CRYBG2: variants seen among roughly 807,000 people sequenced by gnomAD.
CRYBG2 encodes crystallin beta-gamma domain containing 2.
A neutral mutation model predicts 153.4 loss-of-function variants in CRYBG2; 106 were observed. The observed-to-expected ratio is 0.69, with a 90% CI of 0.59 to 0.81. The LOEUF (loss-of-function observed/expected upper bound fraction) is 0.81. Among genes scored for constraint, CRYBG2 ranks in the 30% least tolerant of loss-of-function variants. The pLI is 0.00. For missense variants in CRYBG2, 1,996 were observed against 2,112.0 expected (o/e 0.95, Z 1.08); for synonymous variants, 851 against 877.8 (o/e 0.97, Z 0.54).
At chr1:26,347,292 T>TTG (rs2074235238) in intron 1 of CRYBG2, among the ~76,000 whole-genome samples, 1 of 134,410 alleles carries the variant, frequency 7.4e-6, no homozygotes, top group South Asian at 2.7e-4. Flanking sequence ...GCGTTTTTTT[T>TTG]TTTTTTTTTT....
intron 1 of CRYBG2, among the ~76,000 whole-genome samples, chr1:26,352,951 C>G (rs1330049383): frequency 6.6e-6 from 1 of 151,984 alleles, no homozygotes; most frequent in Admixed American, 6.6e-5. Flanking sequence ...CTGATTCTGC[C>G]TCTGCTACTA....
chr1:26,347,334 C>T (rs34198919), intron 1 of CRYBG2, among the ~76,000 whole-genome samples: 35,380 of 130,706 alleles, frequency 0.27, 4,737 homozygotes, highest in Non-Finnish European at 0.31. Context: ...CACTCTGTTA[C>T]CCAGGCTGGA....
Position 26,328,256 on chromosome 1 carries a change from T to C in CRYBG2, c.4531A>G (p.Thr1511Ala), listed in dbSNP as rs2073956445. Reference protein sequence around the residue: ...VGSCEITNWLTYSGTQRVGSL... With the variant: ...VGSCEITNWLAYSGTQRVGSL... The stretch of plus-strand genomic sequence containing the variant: ...CCCACCCTCTGGGTGCCGCTGTAGG[T>C]CAGCCAGTTGGTGATCTCGCAGCTT... Residue 1511 changes from threonine to alanine, a missense_variant, in exon 17 of 20, where the codon ACC (threonine) becomes GCC (alanine). Coordinates refer to ENST00000308182, the MANE Select transcript of CRYBG2 (RefSeq NM_001039775.4). 3 of 1,565,972 alleles carry C rather than the reference T, an allele frequency of 1.9e-6. No homozygotes were observed. The highest frequency in any genetic ancestry group is 1.2e-5 in the South Asian group (1 of 85,192).
At position 26,346,029 on chromosome 1, in the gene CRYBG2, C is replaced by T; in HGVS notation, c.629G>A (p.Gly210Asp). ...CGGCACCATGCGGGAGACCTGACGG[C>T]CCCGTGGCAGGGCCTCGCCTGAGGA... is the stretch of plus-strand genomic sequence containing the variant. ...PVSSGEALPR[G>D]RQVSRMVPPV... is the part of the protein sequence containing the mutation. Residue 210 changes from glycine to aspartate, a missense_variant, in exon 2 of 20, where the codon GGC becomes GAC. Physicochemically the swap from Gly to Asp is moderately conservative, Grantham distance 94. Coordinates refer to ENST00000308182, the MANE Select transcript of CRYBG2 (RefSeq NM_001039775.4). This position sits in a 1 kb window ranked among gnomAD's most constrained non-coding sequence, Gnocchi z 4.9. 1 of 1,593,064 alleles carries T rather than the reference C, an allele frequency of 6.3e-7. No homozygotes were observed. The highest frequency in any genetic ancestry group is 8.5e-7 in the Non-Finnish European group (1 of 1,177,058).
intron 1 of CRYBG2, among the ~76,000 whole-genome samples, chr1:26,347,265 C>A (rs1260824646): frequency 1.4e-5 from 2 of 141,234 alleles, no homozygotes; most frequent in African/African-American, 2.6e-5. Flanking sequence ...GTAAGAGAAA[C>A]AATGAAACCT....
rs1336351831 is a variant in CRYBG2, at chr1:26,338,446, C to A, written c.3376G>T (p.Asp1126Tyr). Residue 1126 changes from aspartate (D) to tyrosine (Y), a missense_variant, in exon 7 of 20, where the codon GAC becomes TAC. Physicochemically the swap from Asp to Tyr is radical, Grantham distance 160. Coordinates refer to ENST00000308182, the MANE Select transcript of CRYBG2 (RefSeq NM_001039775.4). ...CCAGGTTCCAGGATGTAGGGAGTGTCTTCGAATAATGGTTTGGGGTACAGT... is the reference window on the plus strand; with the variant it reads ...CCAGGTTCCAGGATGTAGGGAGTGTATTCGAATAATGGTTTGGGGTACAGT... ...WLLYPKPLFEDTPYILEPGEY... is the reference protein window; with the variant it reads ...WLLYPKPLFEYTPYILEPGEY... 1.2e-6 allele frequency: 2 copies of A among 1,612,804 alleles called. No individual in the cohort carries two copies. The highest frequency in any genetic ancestry group is 4.5e-5 in the East Asian group (2 of 44,820).
intron 15 of CRYBG2, among the ~76,000 whole-genome samples, chr1:26,329,642 G>A (rs1209476251): frequency 6.6e-6 from 1 of 151,990 alleles, no homozygotes; most frequent in African/African-American, 2.4e-5. Context: ...ACCATGCCCA[G>A]CTAATTTTTT....
chr1:26,329,062 C>T (rs2073967488), intron 15 of CRYBG2, among the ~76,000 whole-genome samples, 189 bp from the exon 16 acceptor site: 2 of 152,082 alleles, frequency 1.3e-5, no homozygotes, highest in Middle Eastern at 3.4e-3. Context: ...AGGCAGTAAG[C>T]GCTAGGCTGG....
rs1297986035 is a variant in CRYBG2 at position 26,339,285 on chromosome 1, C to T, written c.3344+5G>A. 1 of 1,611,616 alleles carries T rather than the reference C, an allele frequency of 6.2e-7. No homozygotes were observed. Among genetic ancestry groups the T allele is most frequent in the African/African-American group, 1.3e-5 (1 of 74,786 alleles). On this transcript the variant is annotated splice_donor_5th_base_variant and intron_variant, in intron 6 of 19. Coordinates refer to ENST00000308182, the MANE Select transcript of CRYBG2 (RefSeq NM_001039775.4). ...TGAGGGGATTCTAGAATAGACCAGA[C>T]TCACAGTCCTGCAGAGACGGTGGCA...
At chr1:26,328,094 T>C in intron 17 of CRYBG2, 115 bp downstream of exon 17, 2 of 1,408,498 alleles carry the variant, frequency 1.4e-6, no homozygotes, top group Middle Eastern at 2.4e-4. Flanking sequence ...GCAAAAGTTG[T>C]GACAAAAGTA....
chr1:26,350,090 C>T (rs763618941), intron 1 of CRYBG2, among the ~76,000 whole-genome samples: 1 of 152,096 alleles, frequency 6.6e-6, no homozygotes, highest in African/African-American at 2.4e-5. Context: ...GCTGGGATTA[C>T]AGGTGTGAGC....
intron 1 of CRYBG2, among the ~76,000 whole-genome samples, chr1:26,353,027 C>A (rs959751089): frequency 2.6e-5 from 4 of 152,130 alleles, no homozygotes; most frequent in African/African-American, 9.7e-5. Context: ...CAACCTCACT[C>A]AACCCTCCAC....
intron 17 of CRYBG2, chr1:26,324,654 A>G: frequency 5.2e-6 from 1 of 192,694 alleles, no homozygotes; most frequent in Middle Eastern, 2.1e-3. Context: ...GGATACATGC[A>G]GCCATCCAAC....
At position 26,324,242 on chromosome 1, in the gene CRYBG2, C is replaced by G. The variant is rs2073894763; in HGVS notation, c.4647G>C (p.Glu1549Asp). Residue 1549 changes from glutamate to aspartate, a missense_variant, in exon 18 of 20, where the codon GAG (glutamate) becomes GAC (aspartate). Physicochemically the swap from Glu to Asp is conservative, Grantham distance 45. Transcript: ENST00000308182. ...CCACCACACGGCCTGCTTTCATGTC[C>G]TCCACATGGTCCGGCACTGCCAGGA... Reference protein sequence around the residue: ...GGFLAVPDHVEDMKAGRVVVA... With the variant: ...GGFLAVPDHVDDMKAGRVVVA... 6.2e-7 allele frequency: 1 copy of G among 1,612,716 alleles called. No homozygotes were observed. Among genetic ancestry groups the G allele is most frequent in the Admixed American group, 1.7e-5 (1 of 59,964 alleles).
At chr1:26,326,274 ACACCTGTAAACCCAG>A (rs1285626841) in intron 17 of CRYBG2, among the ~76,000 whole-genome samples, 1 of 152,168 alleles carries the variant, frequency 6.6e-6, no homozygotes, top group African/African-American at 2.4e-5. Context: ...ATGGTAGCTC[ACACCTGTAAACCCAG>A]CACTTTGGGA....
At position 26,336,067 on chromosome 1, in the gene CRYBG2, C is replaced by G. The variant is rs1339290507; in HGVS notation, c.4184+28G>C. ...CAGCCCCGCCTCTGCCCCAGCGCCC[C>G]CAGCCCTCCGCCCCTCCACGTTCTC... On this transcript the variant is annotated intron_variant, in intron 14 of 19. Transcript: ENST00000308182. The surrounding 1 kb of genome is among the most constrained non-coding windows in gnomAD (Gnocchi z 4.9). The G allele has an allele frequency of 2.1e-6, 3 of 1,432,242 alleles. No homozygotes were observed. Among genetic ancestry groups the G allele is most frequent in the Non-Finnish European group, 2.8e-6 (3 of 1,081,970 alleles). The allele number at this position is 1,432,242 out of a possible 1,614,324, so 88.7% of individuals were successfully genotyped here.
Position 26,325,305 on chromosome 1 carries a change from C to A in CRYBG2, c.4579-995G>T, listed in dbSNP as rs1047308242. Among the ~76,000 whole-genome samples, 1 of 152,248 alleles carries A rather than the reference C, an allele frequency of 6.6e-6. No individual in the cohort carries two copies. The highest frequency in any genetic ancestry group is 2.4e-5 in the African/African-American group (1 of 41,470). On this transcript the variant is annotated intron_variant, in intron 17 of 19. Transcript: ENST00000308182. This position sits in a 1 kb window ranked among gnomAD's most constrained non-coding sequence, Gnocchi z 4.1. ...GGGCGCGGAGGCTCACGCCTGTAAT[C>A]CCAGCACTTTGGGAGGCCAAGGCGG... is the stretch of plus-strand genomic sequence containing the variant.
intron 17 of CRYBG2, 39 bp from the exon 18 acceptor site, chr1:26,324,349 G>C (rs1023703219): frequency 6.4e-7 from 1 of 1,563,504 alleles, no homozygotes; most frequent in Non-Finnish European, 8.6e-7. Context: ...GGGTGCCGGG[G>C]AGGGATGACC....
In CRYBG2 at chr1:26,345,513, C is replaced by T. The variant is rs371714588; in HGVS notation, c.1145G>A (p.Arg382Gln). 66 of 1,594,080 alleles carry T rather than the reference C, an allele frequency of 4.1e-5. No individual in the cohort carries two copies. The highest frequency in any genetic ancestry group is 1.3e-4 in the African/African-American group (10 of 74,392). ...QPVVPTHPGA[R>Q]LTPLVLPPKK... Reference sequence around the variant, plus strand: ...AGGGGGCAGAACAAGGGGAGTGAGCCGGGCCCCGGGGTGAGTGGGCACCAC... The same window carrying T: ...AGGGGGCAGAACAAGGGGAGTGAGCTGGGCCCCGGGGTGAGTGGGCACCAC... Residue 382 changes from arginine to glutamine, a missense_variant, in exon 2 of 20, where the codon CGG becomes CAG. By Grantham distance (43) the Arg-to-Gln change is conservative. Transcript: ENST00000308182.
Sources: allele counts gnomAD v4.1 joint callset (sites outside exome capture counted in the v4.1 genomes callset), GRCh38; gene constraint gnomAD v4.1.1; non-coding constraint Gnocchi (gnomAD v3.1); transcripts MANE v1.5; gene names NCBI Gene and HGNC (gene_info 2026-07-23, HGNC 2026-07-21).